The following ZNF528 variants were observed in gnomAD, a reference collection of about 807,000 sequenced individuals.
ZNF528 encodes zinc finger protein 528.
A neutral mutation model predicts 13.3 loss-of-function variants in ZNF528; 9 were observed. The observed-to-expected ratio is 0.67, with a 90% CI of 0.41 to 1.18. ZNF528 has a LOEUF of 1.18. Among genes scored for constraint, ZNF528 ranks in the 50% most tolerant of loss-of-function variants. The pLI is 0.01. For synonymous variants in ZNF528, 264 were observed against 254.3 expected (o/e 1.04, Z -0.36); for missense variants, 858 against 745.4 (o/e 1.15, Z -1.76).
chr19:52,404,037 G>C (rs1168397226), intron 4 of ZNF528, among the ~76,000 whole-genome samples: 1 of 151,988 alleles, frequency 6.6e-6, no homozygotes, highest in Non-Finnish European at 1.5e-5. Flanking sequence ...ACTGAATTAG[G>C]TAATTGTCAA....
At chr19:52,402,794 C>T (rs538261529) in intron 4 of ZNF528, among the ~76,000 whole-genome samples, 1 of 152,138 alleles carries the variant, frequency 6.6e-6, no homozygotes. Flanking sequence ...TAACATATCA[C>T]CTTTTTATTA....
Position 52,415,930 on chromosome 19 carries a change from A to G in ZNF528, c.1078A>G (p.Lys360Glu). Residue 360 changes from lysine (K) to glutamate (E), a missense_variant, in exon 7 of 7, where the codon AAA (lysine) becomes GAA (glutamate). Physicochemically the swap from Lys to Glu is moderately conservative, Grantham distance 56. Transcript: ENST00000360465. The part of the protein sequence containing the change: ...EKPYKCEECG[K>E]AFSVRSSLIT... ...ACCTTACAAATGTGAAGAATGTGGC[A>G]AAGCATTTTCAGTGCGTTCCAGCCT... The G allele has an allele frequency of 3.1e-6, 5 of 1,614,150 alleles. No homozygotes were observed. Among genetic ancestry groups the G allele is most frequent in the Non-Finnish European group, 4.2e-6 (5 of 1,180,016 alleles).
chr19:52,405,996 C>A lies in ZNF528; in HGVS notation c.105C>A (p.Asp35Glu), dbSNP rs2290744. 6.2e-7 allele frequency: 1 copy of A among 1,611,386 alleles called. No individual in the cohort carries two copies. The highest frequency in any genetic ancestry group is 8.5e-7 in the Non-Finnish European group (1 of 1,178,238). ...LDPAQRTLYR[D>E]VMLENYRNLV... is the part of the protein sequence containing the mutation. Reference sequence around the variant, plus strand: ...CTGCGCAGAGGACTTTATACAGGGACGTGATGTTGGAGAATTATAGGAACC... The same window carrying A: ...CTGCGCAGAGGACTTTATACAGGGAAGTGATGTTGGAGAATTATAGGAACC... Residue 35 changes from aspartate to glutamate, a missense_variant, in exon 5 of 7, where the codon GAC becomes GAA. By Grantham distance (45) the Asp-to-Glu change is conservative. Coordinates refer to ENST00000360465, the MANE Select transcript of ZNF528 (RefSeq NM_032423.3).
chr19:52,417,027 C>T lies in ZNF528; in HGVS notation c.*288C>T. On this transcript the variant is annotated 3_prime_UTR_variant, in exon 7 of 7. Transcript: ENST00000360465. ...TCTCTGATACTAATCTATGATATTG[C>T]ATGATGCAGAATAATGCTAAGTCAA... 7.7e-6 allele frequency: 3 copies of T among 387,364 alleles called. No individual in the cohort carries two copies. Among genetic ancestry groups the T allele is most frequent in the Non-Finnish European group, 1.4e-5 (3 of 212,518 alleles). The allele number at this position is 387,364 out of a possible 1,614,324, so 24.0% of individuals were successfully genotyped here.
In ZNF528 at chr19:52,398,617, A is replaced by T. The variant is rs1330034643; in HGVS notation, c.-139A>T. 1.0e-6 allele frequency: 1 copy of T among 985,466 alleles called. No homozygotes were observed. Among genetic ancestry groups the T allele is most frequent in the East Asian group, 1.1e-4 (1 of 8,814 alleles). 61.0% of individuals were successfully genotyped at this position (985,466 alleles called of 1,614,324 possible). ...GACCCATTAACAGAAGGCAAAGTAGAAGGTGAGTGAGGGGTTTGCAGAGGC... is the reference window on the plus strand; with the variant it reads ...GACCCATTAACAGAAGGCAAAGTAGTAGGTGAGTGAGGGGTTTGCAGAGGC... On this transcript the variant is annotated splice_region_variant and 5_prime_UTR_variant, in exon 2 of 7. Transcript: ENST00000360465.
intron 4 of ZNF528, among the ~76,000 whole-genome samples, chr19:52,403,725 GT>G (rs1275923581): frequency 6.7e-6 from 1 of 149,678 alleles, no homozygotes; most frequent in African/African-American, 2.5e-5. Context: ...ATGTCTATAA[GT>G]GTGTATGTGT....
chr19:52,404,586 A>G (rs1599819683), intron 4 of ZNF528, among the ~76,000 whole-genome samples: 1 of 151,554 alleles, frequency 6.6e-6, no homozygotes, highest in South Asian at 2.1e-4. Flanking sequence ...GATTTTGATC[A>G]TTTTTTATTT....
intron 4 of ZNF528, among the ~76,000 whole-genome samples, chr19:52,404,495 C>A (rs1185775172): frequency 1.3e-5 from 2 of 152,068 alleles, no homozygotes; most frequent in Non-Finnish European, 2.9e-5. Context: ...CCAGTTAGTT[C>A]ATGTAAAGCA....
At chr19:52,405,857 G>C (rs2608512) in intron 4 of ZNF528, 50 bp from the exon 5 acceptor site, 2 of 1,595,730 alleles carry the variant, frequency 1.3e-6, no homozygotes, top group Non-Finnish European at 1.7e-6. Context: ...TCTTTGTGAC[G>C]ATGAGTACTG....
rs1023526280 is a variant in ZNF528 at position 52,401,701 on chromosome 19, A to G, written c.-120A>G. 6.9e-6 allele frequency: 9 copies of G among 1,301,532 alleles called. No homozygotes were observed. The highest frequency in any genetic ancestry group is 9.0e-6 in the Non-Finnish European group (9 of 995,884). The allele number at this position is 1,301,532 out of a possible 1,614,324, so 80.6% of individuals were successfully genotyped here. On this transcript the variant is annotated 5_prime_UTR_variant, in exon 3 of 7. Coordinates refer to ENST00000360465, the MANE Select transcript of ZNF528 (RefSeq NM_032423.3). The stretch of plus-strand genomic sequence containing the variant: ...TTTTTTTAGGTTCACAAATTTTAAG[A>G]AAGGGAGAATAAAGTGAAAAAAATC...
Position 52,416,979 on chromosome 19 carries a change from C to T in ZNF528, c.*240C>T, listed in dbSNP as rs115564661. 1.8e-3 allele frequency: 852 copies of T among 474,866 alleles called. 6 individuals are homozygous for T. The highest frequency in any genetic ancestry group is 0.015 in the African/African-American group (783 of 52,410). 29.4% of individuals were successfully genotyped at this position (474,866 alleles called of 1,614,324 possible). On this transcript the variant is annotated 3_prime_UTR_variant, in exon 7 of 7. Coordinates refer to ENST00000360465, the MANE Select transcript of ZNF528 (RefSeq NM_032423.3). ...GCTATAGAACACGATAGGATTTACACAAGAAGTAACTCTGTCTCTGGTTCT... is the reference window on the plus strand; with the variant it reads ...GCTATAGAACACGATAGGATTTACATAAGAAGTAACTCTGTCTCTGGTTCT...
Position 52,415,786 on chromosome 19 carries a change from C to A in ZNF528, c.934C>A (p.Leu312Ile). The change falls in exon 7 of 7, where the codon CTT (leucine) becomes ATT (isoleucine). Residue 312 changes from leucine to isoleucine, a missense_variant. Physicochemically the swap from Leu to Ile is conservative, Grantham distance 5 (BLOSUM62 2). Transcript: ENST00000360465. ...CDKVFNQIAH[L>I]VRHQKIHTGE... ...CAAGGTCTTCAATCAAATTGCACACCTTGTACGACATCAAAAAATTCATAC... is the reference window on the plus strand; with the variant it reads ...CAAGGTCTTCAATCAAATTGCACACATTGTACGACATCAAAAAATTCATAC... The A allele has an allele frequency of 6.2e-7, 1 of 1,614,028 alleles. No individual in the cohort carries two copies. The highest frequency in any genetic ancestry group is 1.3e-5 in the African/African-American group (1 of 75,016).
At chr19:52,404,789 G>T (rs1350584679) in intron 4 of ZNF528, among the ~76,000 whole-genome samples, 1 of 151,192 alleles carries the variant, frequency 6.6e-6, no homozygotes, top group East Asian at 2.0e-4. Flanking sequence ...AGTAGAGACA[G>T]GGTTTTACCA....
chr19:52,398,736 A>G (rs1194325233), intron 2 of ZNF528, 117 bp downstream of exon 2: 1 of 444,408 alleles, frequency 2.3e-6, no homozygotes, highest in Non-Finnish European at 3.0e-6. Context: ...AAATTCAACA[A>G]GATAGGGAAG....
At chr19:52,400,097 C>G (rs1382386830) in intron 2 of ZNF528, among the ~76,000 whole-genome samples, 1 of 152,100 alleles carries the variant, frequency 6.6e-6, no homozygotes, top group African/African-American at 2.4e-5. Context: ...GATGCTGAGA[C>G]TGTGTGCCAC....
At chr19:52,406,078 T>C (rs764931627) in intron 5 of ZNF528, 45 bp downstream of exon 5, 1 of 1,579,722 alleles carries the variant, frequency 6.3e-7, no homozygotes, top group African/African-American at 1.4e-5. Context: ...CCCTGGTGGA[T>C]CTCTGAATTG....
chr19:52,404,310 C>T (rs1321416829), intron 4 of ZNF528, among the ~76,000 whole-genome samples: 1 of 152,150 alleles, frequency 6.6e-6, no homozygotes, highest in Non-Finnish European at 1.5e-5. Context: ...TCGCTGCAAC[C>T]TCCGCCTCCC....
At chr19:52,399,899 C>T (rs1435510153) in intron 2 of ZNF528, among the ~76,000 whole-genome samples, 2 of 152,120 alleles carry the variant, frequency 1.3e-5, no homozygotes, top group Non-Finnish European at 2.9e-5. Flanking sequence ...TAGGAACAAC[C>T]ACAGACACAT....
rs775857792 is a variant in ZNF528 at position 52,416,054 on chromosome 19, G to T, written c.1202G>T (p.Arg401Ile). Residue 401 changes from arginine to isoleucine, a missense_variant, in exon 7 of 7, where the codon AGA becomes ATA. By Grantham distance (97) the Arg-to-Ile change is moderately conservative. Transcript: ENST00000360465. Reference sequence around the variant, plus strand: ...AAGTGTTTCCTGACCTCTCATCAGAGAATTCATACTAGAGAGAGACCTTAT... The same window carrying T: ...AAGTGTTTCCTGACCTCTCATCAGATAATTCATACTAGAGAGAGACCTTAT... ...GRKCFLTSHQRIHTRERPYGC... is the reference protein window; with the variant it reads ...GRKCFLTSHQIIHTRERPYGC... The T allele has an allele frequency of 1.9e-6, 3 of 1,614,034 alleles. No individual in the cohort carries two copies. The highest frequency in any genetic ancestry group is 2.5e-6 in the Non-Finnish European group (3 of 1,180,030).
Sources: gnomAD v4.1 joint callset for allele counts (sites outside exome capture counted in the v4.1 genomes callset) on GRCh38, gnomAD v4.1.1 for gene constraint, MANE v1.5 for transcripts, NCBI Gene and HGNC (gene_info 2026-07-23, HGNC 2026-07-21) for gene names.